The following PDE4B variants were observed in gnomAD, a reference collection of about 807,000 sequenced individuals.
The protein encoded by PDE4B is phosphodiesterase 4B.
A neutral mutation model predicts 82.2 loss-of-function variants in PDE4B; 20 were observed. The ratio of observed to expected loss-of-function variants is 0.24; its 90% CI spans 0.17 to 0.35. The LOEUF is 0.35. Ranked by LOEUF, PDE4B falls within the 10% of genes least tolerant of loss-of-function variation. The pLI is 1.00. For missense variants in PDE4B, 655 were observed against 907.2 expected, an observed-to-expected ratio of 0.72 and a Z score of 3.57; for synonymous variants, 320 against 318.9, an observed-to-expected ratio of 1.00 and a Z score of -0.04.
At chr1:66,363,709 C>T in intron 12 of PDE4B, 138 bp downstream of exon 12, 2 of 627,348 alleles carry the variant, frequency 3.2e-6, no homozygotes, top group Non-Finnish European at 5.3e-6. Flanking sequence ...CCCAGGGGTT[C>T]AAGGTTACAG....
At chr1:65,817,448 A>G (rs1645899666) in intron 1 of PDE4B, among the ~76,000 whole-genome samples, 1 of 152,214 alleles carries the variant, frequency 6.6e-6, no homozygotes, top group Admixed American at 6.5e-5. Context: ...TGTACATGTC[A>G]GTACATACAT....
chr1:66,325,593 T>A (rs1659694805), intron 7 of PDE4B, among the ~76,000 whole-genome samples: 1 of 152,206 alleles, frequency 6.6e-6, no homozygotes. Context: ...CTCTATATTT[T>A]AGAAGTGGAA....
chr1:65,873,395 G>A (rs1375455631), intron 1 of PDE4B, among the ~76,000 whole-genome samples: 1 of 152,122 alleles, frequency 6.6e-6, no homozygotes, highest in Admixed American at 6.6e-5. Context: ...TTCTGTGGTA[G>A]GGATCACTGA....
At chr1:66,019,102 T>C (rs530972892) in intron 3 of PDE4B, among the ~76,000 whole-genome samples, 4 of 152,274 alleles carry the variant, frequency 2.6e-5, no homozygotes, top group African/African-American at 9.6e-5. Context: ...TTAATACTGA[T>C]GAAAACTTTC....
chr1:65,960,417 T>C (rs10789205), intron 3 of PDE4B, among the ~76,000 whole-genome samples: 97,868 of 151,848 alleles, frequency 0.64, 31,675 homozygotes, highest in African/African-American at 0.68. Context: ...TGAAATAGAT[T>C]GTCTGTGATT....
chr1:66,305,252 G>A (rs1333213065), intron 7 of PDE4B, among the ~76,000 whole-genome samples: 1 of 152,086 alleles, frequency 6.6e-6, no homozygotes, highest in Non-Finnish European at 1.5e-5. Context: ...AAAACCCAGA[G>A]GAAAAGAACT....
chr1:66,371,097 T>C (rs1180503588), intron 16 of PDE4B, among the ~76,000 whole-genome samples: 1 of 38,608 alleles, frequency 2.6e-5, no homozygotes, highest in East Asian at 5.1e-4. Context: ...CATCATACTA[T>C]ATATATATAT....
intron 3 of PDE4B, among the ~76,000 whole-genome samples, chr1:66,121,838 G>C (rs1340855319): frequency 1.3e-5 from 2 of 152,152 alleles, no homozygotes; most frequent in African/African-American, 4.8e-5. Flanking sequence ...TGTTCATTGA[G>C]AAAACTTATT....
chr1:65,867,288 A>G (rs893991281), intron 1 of PDE4B, among the ~76,000 whole-genome samples: 1 of 152,234 alleles, frequency 6.6e-6, no homozygotes, highest in Non-Finnish European at 1.5e-5. Flanking sequence ...TAGTTCAAAG[A>G]AAAGGAAGTC....
intron 3 of PDE4B, among the ~76,000 whole-genome samples, chr1:66,243,871 G>T (rs1327309364): frequency 1.3e-5 from 2 of 152,268 alleles, no homozygotes; most frequent in East Asian, 1.9e-4. Flanking sequence ...GAAGATCAGA[G>T]AGCAGGGCTT....
chr1:65,797,515 T>C (rs943362535), intron 1 of PDE4B, among the ~76,000 whole-genome samples: 1 of 152,180 alleles, frequency 6.6e-6, no homozygotes. Context: ...TCTAGAGGCT[T>C]TGAGGTGCTG....
At chr1:65,936,892 G>C (rs1053570948) in intron 3 of PDE4B, among the ~76,000 whole-genome samples, 3 of 152,324 alleles carry the variant, frequency 2.0e-5, no homozygotes, top group East Asian at 1.9e-4. Context: ...CAACTGATTA[G>C]TGGTGGGATT....
chr1:66,347,301 T>A (rs1373927825), intron 8 of PDE4B, among the ~76,000 whole-genome samples: 2 of 152,220 alleles, frequency 1.3e-5, no homozygotes, highest in African/African-American at 2.4e-5. Flanking sequence ...ACTACCTTTT[T>A]TAATAGGATA....
intron 1 of PDE4B, among the ~76,000 whole-genome samples, chr1:65,826,678 C>G (rs1056927089): frequency 2.6e-5 from 4 of 152,082 alleles, no homozygotes; most frequent in Admixed American, 1.3e-4. Flanking sequence ...TGGTGCAAAT[C>G]CACTGCGTCT....
chr1:65,989,655 A>G (rs1651138316), intron 3 of PDE4B, among the ~76,000 whole-genome samples: 2 of 152,186 alleles, frequency 1.3e-5, no homozygotes, highest in South Asian at 2.1e-4. Context: ...AGGGTTATAC[A>G]TGAACCGGAA....
rs573419474 is a variant in PDE4B, at chr1:65,874,789, A to C, written c.-70-38456A>C. Reference sequence around the variant, plus strand: ...TCCCTTCCTTACACCTTATACAAAAATCAATTCAAGATGGATTAAAGATTT... The same window carrying C: ...TCCCTTCCTTACACCTTATACAAAACTCAATTCAAGATGGATTAAAGATTT... On this transcript the variant is annotated intron_variant, in intron 1 of 16. Coordinates refer to ENST00000341517, the MANE Select transcript of PDE4B (RefSeq NM_002600.4). Among the ~76,000 whole-genome samples the C allele has an allele frequency of 1.4e-3, 216 of 151,850 alleles. 2 individuals carry two copies. Among genetic ancestry groups the C allele is most frequent in the African/African-American group, 5.0e-3 (208 of 41,408 alleles).
intron 3 of PDE4B, among the ~76,000 whole-genome samples, chr1:66,143,192 T>A (rs552695006): frequency 6.6e-6 from 1 of 152,338 alleles, no homozygotes; most frequent in East Asian, 1.9e-4. Context: ...GACAAGGGTT[T>A]GTCTTTGTTT....
intron 1 of PDE4B, among the ~76,000 whole-genome samples, chr1:65,883,308 T>C (rs1396581694): frequency 1.3e-5 from 2 of 152,196 alleles, no homozygotes; most frequent in African/African-American, 2.4e-5. Context: ...TTCTTCCATT[T>C]GTTTGTATCC....
intron 1 of PDE4B, among the ~76,000 whole-genome samples, chr1:65,802,865 C>A (rs1267236882): frequency 6.6e-6 from 1 of 151,972 alleles, no homozygotes; most frequent in African/African-American, 2.4e-5. Context: ...GCAAAAAAGT[C>A]ACAATTTCCT....
Sources: allele counts gnomAD v4.1 joint callset (sites outside exome capture counted in the v4.1 genomes callset), GRCh38; gene constraint gnomAD v4.1.1; transcripts MANE v1.5; gene names NCBI Gene and HGNC (gene_info 2026-07-23, HGNC 2026-07-21).